PTPRD: variants seen among roughly 807,000 people sequenced by gnomAD.
PTPRD encodes the protein receptor-type tyrosine-protein phosphatase delta.
PTPRD carries 34 observed loss-of-function variants against 214.5 expected under a neutral mutation model. That is an observed-to-expected ratio of 0.16 (90% confidence interval 0.12 to 0.21). The LOEUF (loss-of-function observed/expected upper bound fraction) is 0.21, where lower values mean the gene tolerates loss of function less well. Ranked by LOEUF, PTPRD falls within the 10% of genes least tolerant of loss-of-function variation. The pLI is 1.00. For synonymous variants in PTPRD, 1,128 were observed against 845.7 expected (o/e 1.33, Z -5.79); for missense variants, 2,545 against 2,398.7 (o/e 1.06, Z -1.27).
At chr9:8,495,754 G>A (rs138096190) in intron 26 of PTPRD, among the ~76,000 whole-genome samples, 15 of 152,144 alleles carry the variant, frequency 9.9e-5, no homozygotes, top group Non-Finnish European at 1.3e-4. Context: ...AGAAGTTTAC[G>A]GTCAAAAATG....
At chr9:8,706,528 G>C (rs1475877933) in intron 12 of PTPRD, among the ~76,000 whole-genome samples, 2 of 152,016 alleles carry the variant, frequency 1.3e-5, no homozygotes. Flanking sequence ...CCCCTACTGT[G>C]GCTTTGAAGT....
At chr9:10,103,778 A>G (rs1169988280) in intron 3 of PTPRD, among the ~76,000 whole-genome samples, 4 of 151,572 alleles carry the variant, frequency 2.6e-5, no homozygotes, top group Non-Finnish European at 5.9e-5. Context: ...ACACTCTTCC[A>G]CAGGCCAATA....
intron 7 of PTPRD, among the ~76,000 whole-genome samples, chr9:9,586,761 G>A (rs1244202924): frequency 6.6e-6 from 1 of 151,824 alleles, no homozygotes; most frequent in East Asian, 1.9e-4. Context: ...GCCACTCTGA[G>A]GTATGACTGT....
intron 3 of PTPRD, among the ~76,000 whole-genome samples, chr9:10,199,580 A>G (rs1210166729): frequency 6.6e-6 from 1 of 152,056 alleles, no homozygotes; most frequent in Non-Finnish European, 1.5e-5. Flanking sequence ...AGGTCATCTT[A>G]TATATTTCTC....
At chr9:8,747,988 A>C (rs2093028554) in intron 11 of PTPRD, among the ~76,000 whole-genome samples, 2 of 152,186 alleles carry the variant, frequency 1.3e-5, no homozygotes, top group African/African-American at 4.8e-5. Context: ...AAATGGAGCC[A>C]CAGATGCAGT....
Position 9,416,506 on chromosome 9 carries a change from T to C in PTPRD, c.-236-19024A>G, listed in dbSNP as rs112835740. Among the ~76,000 whole-genome samples the C allele has an allele frequency of 4.4e-3, 668 of 152,318 alleles. 2 individuals are homozygous for C. The highest frequency in any genetic ancestry group is 0.014 in the African/African-American group (575 of 41,582). ...AACAGAGCGTGCTCGGTGAATGTTA[T>C]TGCTGTCAGAACACGTCCAATTCCT... On this transcript the variant is annotated intron_variant, in intron 8 of 45. Transcript: ENST00000381196.
At chr9:8,623,093 G>A (rs1440841947) in intron 14 of PTPRD, among the ~76,000 whole-genome samples, 1 of 151,922 alleles carries the variant, frequency 6.6e-6, no homozygotes, top group Non-Finnish European at 1.5e-5. Context: ...ACAGGTTACA[G>A]TGAGCTATGA....
At chr9:8,969,578 T>G (rs1567308445) in intron 11 of PTPRD, among the ~76,000 whole-genome samples, 1 of 151,790 alleles carries the variant, frequency 6.6e-6, no homozygotes, top group African/African-American at 2.4e-5. Context: ...TGAACAAAAA[T>G]AAGATACAGA....
rs75831491 is a variant in PTPRD at position 9,271,510 on chromosome 9, A to T, written c.-202-88147T>A. Among the ~76,000 whole-genome samples the T allele has an allele frequency of 0.012, 1,747 of 151,490 alleles. 90 individuals are homozygous for T. In the East Asian group the frequency reaches 0.13, roughly 11 times the overall value. ...GCAAGTGGTAAAAAATCCATTTAAA[A>T]CATGCTATGAATTGAATTCATTTAA... On this transcript the variant is annotated intron_variant, in intron 9 of 45. Coordinates refer to ENST00000381196, the MANE Select transcript of PTPRD (RefSeq NM_002839.4).
In PTPRD at chr9:9,254,938, C is replaced by T. The variant is rs142026488; in HGVS notation, c.-202-71575G>A. On this transcript the variant is annotated intron_variant, in intron 9 of 45. Transcript: ENST00000381196. ...GATTTACTACAGTTTTATATCTCCT[C>T]TAAAATATCCATTATTCAAAAACAG... is the stretch of plus-strand genomic sequence containing the variant. 1.6e-3 allele frequency among the ~76,000 whole-genome samples: 250 copies of T among 152,112 alleles called. 1 individual carries two copies. The highest frequency in any genetic ancestry group is 5.8e-3 in the African/African-American group (242 of 41,542).
intron 4 of PTPRD, among the ~76,000 whole-genome samples, chr9:9,957,572 T>G (rs1209358203): frequency 1.3e-5 from 2 of 152,106 alleles, no homozygotes; most frequent in Non-Finnish European, 2.9e-5. Flanking sequence ...GAGGCTATTT[T>G]TCTAATGCCA....
intron 2 of PTPRD, among the ~76,000 whole-genome samples, chr9:10,417,468 GTATAAC>G (rs1041309800): frequency 1.3e-5 from 2 of 151,952 alleles, no homozygotes; most frequent in African/African-American, 4.8e-5. Flanking sequence ...TAAATTGTAA[GTATAAC>G]TAAGAAGTAT....
chr9:10,202,989 C>A (rs545315628), intron 3 of PTPRD, among the ~76,000 whole-genome samples: 1 of 151,720 alleles, frequency 6.6e-6, no homozygotes, highest in African/African-American at 2.4e-5. Context: ...ACCCAGACAA[C>A]GGTATTCTGT....
At chr9:8,436,726 C>G (rs1266919913) in intron 34 of PTPRD, 37 bp from the exon 35 acceptor site, 7 of 1,515,728 alleles carry the variant, frequency 4.6e-6, no homozygotes, top group Non-Finnish European at 6.4e-6. Flanking sequence ...CATTTGAAAA[C>G]AAATGAAAAT....
intron 14 of PTPRD, among the ~76,000 whole-genome samples, chr9:8,607,680 C>T (rs565611030): frequency 2.7e-4 from 41 of 152,064 alleles, no homozygotes; most frequent in African/African-American, 8.9e-4. Flanking sequence ...TAATTAAAAA[C>T]GAATGGGAGT....
At chr9:9,540,800 T>C (rs767051519) in intron 8 of PTPRD, among the ~76,000 whole-genome samples, 8 of 151,804 alleles carry the variant, frequency 5.3e-5, no homozygotes, top group Non-Finnish European at 1.0e-4. Context: ...GGAAAAGTTA[T>C]GGGCCCTGAA....
At chr9:10,588,811 A>G (rs10809125) in intron 2 of PTPRD, among the ~76,000 whole-genome samples, 1 of 151,614 alleles carries the variant, frequency 6.6e-6, no homozygotes, top group Admixed American at 6.6e-5. Flanking sequence ...CCTATTTCAA[A>G]TTGTATACCC....
intron 5 of PTPRD, among the ~76,000 whole-genome samples, chr9:9,907,969 T>C (rs955950314): frequency 1.2e-4 from 18 of 152,110 alleles, no homozygotes; most frequent in African/African-American, 4.3e-4. Flanking sequence ...TGTATTAATG[T>C]ATCATGTACC....
chr9:10,026,626 G>C (rs1025136424), intron 4 of PTPRD, among the ~76,000 whole-genome samples: 1 of 152,088 alleles, frequency 6.6e-6, no homozygotes, highest in Non-Finnish European at 1.5e-5. Flanking sequence ...GCCATCACAA[G>C]GGGGCATTGT....
Sources: allele counts gnomAD v4.1 joint callset (sites outside exome capture counted in the v4.1 genomes callset), GRCh38; gene constraint gnomAD v4.1.1; transcripts MANE v1.5; gene names NCBI Gene and HGNC (gene_info 2026-07-23, HGNC 2026-07-21).